ARHGDIA: variants seen among roughly 807,000 people sequenced by gnomAD.
The protein encoded by ARHGDIA is Rho GDP dissociation inhibitor alpha, also known as rho GDP-dissociation inhibitor 1.
In ARHGDIA, 9 loss-of-function variants were observed where a neutral mutation model predicts 25.0. The observed-to-expected ratio is 0.36, with a 90% CI of 0.22 to 0.63. ARHGDIA has a LOEUF of 0.63. ARHGDIA is among the 20% of genes least tolerant of loss of function. The pLI, the probability that ARHGDIA is intolerant of heterozygous loss-of-function variation, is 0.69. For missense variants in ARHGDIA, 239 were observed against 264.3 expected, an observed-to-expected ratio of 0.90 and a Z score of 0.66; for synonymous variants, 166 against 111.5, an observed-to-expected ratio of 1.49 and a Z score of -3.08.
At chr17:81,870,547 G>A (rs2039262410) in intron 1 of ARHGDIA, 1 of 152,708 alleles carries the variant, frequency 6.5e-6, no homozygotes, top group African/African-American at 2.4e-5. Context: ...GAGGGTCTGT[G>A]ACCTACAACT....
rs1567848709 is a variant in ARHGDIA at position 81,868,395 on chromosome 17, G to A, written c.*481C>T. 3 of 1,445,176 alleles carry A rather than the reference G, an allele frequency of 2.1e-6. No individual in the cohort carries two copies. The highest frequency in any genetic ancestry group is 2.5e-5 in the East Asian group (1 of 40,106). 89.5% of individuals were successfully genotyped at this position (1,445,176 alleles called of 1,614,324 possible). ...GCATCATGGTTAGACGGGACCGACA[G>A]CGACAAGGGGGCTGGCCAGGGAGCA... On this transcript the variant is annotated 3_prime_UTR_variant, in exon 6 of 6. Transcript: ENST00000269321.
chr17:81,870,037 C>A (rs1401273991), intron 1 of ARHGDIA, 80 bp from the exon 2 acceptor site: 8 of 1,410,436 alleles, frequency 5.7e-6, no homozygotes, highest in South Asian at 4.0e-5. Flanking sequence ...GGGCTGCAGC[C>A]GGAGCTCCAA....
At chr17:81,869,259 C>G (rs955615883) in intron 4 of ARHGDIA, 23 bp from the exon 5 acceptor site, 5 of 1,614,028 alleles carry the variant, frequency 3.1e-6, no homozygotes, top group South Asian at 1.1e-5. Flanking sequence ...AAGCGAGGAT[C>G]AGGGAAGGTC....
Position 81,868,273 on chromosome 17 carries a change from G to C in ARHGDIA, c.*603C>G. On this transcript the variant is annotated 3_prime_UTR_variant, in exon 6 of 6. Transcript: ENST00000269321. ...CACCCCACGTGTCCCTGGGTCACTG[G>C]GTTCGCCACCGGGGAAGGGACGGGG... The C allele has an allele frequency of 2.4e-6, 3 of 1,267,758 alleles. No individual in the cohort carries two copies. In the South Asian group the frequency reaches 5.4e-5, roughly 23 times the overall value. 78.5% of individuals were successfully genotyped at this position (1,267,758 alleles called of 1,614,324 possible). A position where few individuals can be genotyped will look rare whatever the true frequency, so the allele number is the denominator to read the frequency against.
rs766138328 is a variant in ARHGDIA, at chr17:81,868,859, C to G, written c.*17G>C. On this transcript the variant is annotated 3_prime_UTR_variant, in exon 6 of 6. Coordinates refer to ENST00000269321, the MANE Select transcript of ARHGDIA (RefSeq NM_004309.6). The stretch of plus-strand genomic sequence containing the variant: ...GTCGTCCGTCCGTCAGTCTGCCCTG[C>G]CCGCCTCTGGCTGGGCTCAGTCCTT... The G allele has an allele frequency of 6.2e-7, 1 of 1,613,390 alleles. No homozygotes were observed. Among genetic ancestry groups the G allele is most frequent in the Admixed American group, 1.7e-5 (1 of 60,016 alleles).
At chr17:81,869,456 G>A in intron 3 of ARHGDIA, 50 bp from the exon 4 acceptor site, 1 of 1,612,152 alleles carries the variant, frequency 6.2e-7, no homozygotes, top group Non-Finnish European at 8.5e-7. Context: ...CCTGCGCGAA[G>A]CCCCAGCCCT....
intron 2 of ARHGDIA, 51 bp downstream of exon 2, chr17:81,869,690 A>C: frequency 6.4e-7 from 1 of 1,566,718 alleles, no homozygotes; most frequent in Non-Finnish European, 8.6e-7. Flanking sequence ...GGGAGCGGCA[A>C]GACAGCTGGA....
rs747325364 is a variant in ARHGDIA, at chr17:81,869,571, G to A, written c.245C>T (p.Ala82Val). 10 of 1,548,046 alleles carry A rather than the reference G, an allele frequency of 6.5e-6. No individual in the cohort carries two copies. Among genetic ancestry groups the A allele is most frequent in the Admixed American group, 6.1e-5 (3 of 49,142 alleles). The change falls in exon 3 of 6, where the codon GCC becomes GTC. Residue 82 changes from alanine (A) to valine (V), a missense_variant. This residue lies in a region of ARHGDIA where 135 missense variants were observed against 119.8 expected (regional missense o/e 1.13). Coordinates refer to ENST00000269321, the MANE Select transcript of ARHGDIA (RefSeq NM_004309.6). Reference sequence around the variant, plus strand: ...CAGGTCCAGCTCCAGGGGGCCCGGGGCCGAGCTGCACACCAGGGTCAGGCC... The same window carrying A: ...CAGGTCCAGCTCCAGGGGGCCCGGGACCGAGCTGCACACCAGGGTCAGGCC... ...VTGLTLVCSS[A>V]PGPLELDLTG... is the part of the protein sequence containing the mutation.
intron 1 of ARHGDIA, 117 bp downstream of exon 1, chr17:81,871,181 G>C (rs1048496088): frequency 1.0e-4 from 15 of 146,178 alleles, no homozygotes; most frequent in Non-Finnish European, 7.6e-5. Flanking sequence ...TCAGGGCGGG[G>C]CGCGAACAAA....
At position 81,868,490 on chromosome 17, in the gene ARHGDIA, C is replaced by A; in HGVS notation, c.*386G>T. 1 of 1,526,016 alleles carries A rather than the reference C, an allele frequency of 6.6e-7. No homozygotes were observed. The highest frequency in any genetic ancestry group is 8.8e-7 in the Non-Finnish European group (1 of 1,140,614). 94.5% of individuals were successfully genotyped at this position (1,526,016 alleles called of 1,614,324 possible). On this transcript the variant is annotated 3_prime_UTR_variant, in exon 6 of 6. Coordinates refer to ENST00000269321, the MANE Select transcript of ARHGDIA (RefSeq NM_004309.6). The stretch of plus-strand genomic sequence containing the variant: ...ACACCCCAGCTCCACCCCGGAGCAG[C>A]AGACGCACACGTCCAGGGGCAACCA...
chr17:81,868,708 AG>A lies in ARHGDIA; in HGVS notation c.*167del, dbSNP rs924285282. 5.8e-5 allele frequency: 84 copies of A among 1,440,462 alleles called. No homozygotes were observed. Among genetic ancestry groups the A allele is most frequent in the Admixed American group, 8.8e-5 (4 of 45,326 alleles). 89.2% of individuals were successfully genotyped at this position (1,440,462 alleles called of 1,614,324 possible). On this transcript the variant is annotated 3_prime_UTR_variant, in exon 6 of 6. Coordinates refer to ENST00000269321, the MANE Select transcript of ARHGDIA (RefSeq NM_004309.6). ...GCCTGTGGGTGGGGGAGGGCTGAGG[AG>A]GGGGGTCGGAGGCACTCGGTTGAGC...
At position 81,868,304 on chromosome 17, in the gene ARHGDIA, A is replaced by G; in HGVS notation, c.*572T>C. 1 of 1,387,242 alleles carries G rather than the reference A, an allele frequency of 7.2e-7. No homozygotes were observed. The highest frequency in any genetic ancestry group is 1.6e-5 in the South Asian group (1 of 60,980). 85.9% of individuals were successfully genotyped at this position (1,387,242 alleles called of 1,614,324 possible). A position where few individuals can be genotyped will look rare whatever the true frequency, so the allele number is the denominator to read the frequency against. On this transcript the variant is annotated 3_prime_UTR_variant, in exon 6 of 6. Coordinates refer to ENST00000269321, the MANE Select transcript of ARHGDIA (RefSeq NM_004309.6). ...CCACCGGGGAAGGGACGGGGAGGCC[A>G]CATGCTCATGCAGACACAGGGAGTT...
Position 81,869,559 on chromosome 17 carries a change from AG to A in ARHGDIA, c.256del (p.Leu86TrpfsTer5). Reference sequence around the variant, plus strand: ...GCACTCACCCGTCAGGTCCAGCTCCAGGGGGCCCGGGGCCGAGCTGCACACC... The same window carrying A: ...GCACTCACCCGTCAGGTCCAGCTCCAGGGGCCCGGGGCCGAGCTGCACACC... The part of the protein sequence containing the change: ...TLVCSSAPGP[L>X]ELDLTGDLES... On this transcript the variant is annotated frameshift_variant, in exon 3 of 6. Transcript: ENST00000269321. LOFTEE classifies it high-confidence loss of function. 6.4e-7 allele frequency: 1 copy of A among 1,563,164 alleles called. No homozygotes were observed. Among genetic ancestry groups the A allele is most frequent in the Non-Finnish European group, 8.6e-7 (1 of 1,157,404 alleles).
chr17:81,868,877 C>T lies in ARHGDIA; in HGVS notation c.614G>A (p.Ter205=), dbSNP rs2039161780. ...NLTIKKDWKD[*] The stretch of plus-strand genomic sequence containing the variant: ...TGCCCTGCCCGCCTCTGGCTGGGCT[C>T]AGTCCTTCCAGTCCTTCTTGATGGT... Residue 205 remains the stop codon, a stop_retained_variant, in exon 6 of 6, where the codon TGA becomes TAA. Transcript: ENST00000269321. 1.2e-6 allele frequency: 2 copies of T among 1,613,500 alleles called. No individual in the cohort carries two copies. The highest frequency in any genetic ancestry group is 1.3e-5 in the African/African-American group (1 of 74,918).
intron 1 of ARHGDIA, 96 bp from the exon 2 acceptor site, chr17:81,870,053 C>A: frequency 2.4e-6 from 3 of 1,271,432 alleles, no homozygotes; most frequent in Non-Finnish European, 3.2e-6. Context: ...TCCAAAAGGG[C>A]TCCAAGGGGG....
Position 81,868,792 on chromosome 17 carries a change from T to C in ARHGDIA, c.*84A>G. 6.4e-7 allele frequency: 1 copy of C among 1,569,034 alleles called. No homozygotes were observed. Among genetic ancestry groups the C allele is most frequent in the Non-Finnish European group, 8.6e-7 (1 of 1,159,874 alleles). ...CACGGAGGGCCTGTCAGCACTTTGG[T>C]ATGGGGAGGGGAGGGGCTGGGGGGG... On this transcript the variant is annotated 3_prime_UTR_variant, in exon 6 of 6. Coordinates refer to ENST00000269321, the MANE Select transcript of ARHGDIA (RefSeq NM_004309.6).
intron 1 of ARHGDIA, 21 bp from the exon 2 acceptor site, chr17:81,869,978 G>A (rs2039237594): frequency 6.2e-7 from 1 of 1,602,092 alleles, no homozygotes. Flanking sequence ...GACGGTGACA[G>A]GCCTTGGACC....
intron 4 of ARHGDIA, 22 bp downstream of exon 4, chr17:81,869,308 G>C: frequency 6.2e-7 from 1 of 1,613,996 alleles, no homozygotes; most frequent in African/African-American, 1.3e-5. Context: ...CCATTCCCTG[G>C]CCACAGCAGC....
Position 81,868,388 on chromosome 17 carries a change from A to C in ARHGDIA, c.*488T>G. 1 of 1,444,610 alleles carries C rather than the reference A, an allele frequency of 6.9e-7. No homozygotes were observed. The allele number at this position is 1,444,610 out of a possible 1,614,324, so 89.5% of individuals were successfully genotyped here. A position where few individuals can be genotyped will look rare whatever the true frequency, so the allele number is the denominator to read the frequency against. On this transcript the variant is annotated 3_prime_UTR_variant, in exon 6 of 6. Coordinates refer to ENST00000269321, the MANE Select transcript of ARHGDIA (RefSeq NM_004309.6). Reference sequence around the variant, plus strand: ...TGTTAAGGCATCATGGTTAGACGGGACCGACAGCGACAAGGGGGCTGGCCA... The same window carrying C: ...TGTTAAGGCATCATGGTTAGACGGGCCCGACAGCGACAAGGGGGCTGGCCA...
Sources: gnomAD v4.1 joint callset for allele counts on GRCh38, gnomAD v4.1.1 for gene constraint, gnomAD v4.1.1 regional missense constraint, MANE v1.5 for transcripts, NCBI Gene and HGNC (gene_info 2026-07-23, HGNC 2026-07-21) for gene names.